Variants in CLRN1 observed in about 807,000 individuals in gnomAD.
The protein encoded by CLRN1 is clarin-1.
CLRN1 carries 15 observed loss-of-function variants against 18.7 expected under a neutral mutation model. The ratio of observed to expected loss-of-function variants is 0.80; its 90% CI spans 0.54 to 1.23. The LOEUF is 1.23. Among genes scored for constraint, CLRN1 ranks in the 50% most tolerant of loss-of-function variants. The pLI is 0.00. For missense variants in CLRN1, 311 were observed against 277.5 expected, an observed-to-expected ratio of 1.12 and a Z score of -0.86; for synonymous variants, 104 against 102.9, an observed-to-expected ratio of 1.01 and a Z score of -0.07.
chr3:150,969,258 A>T (rs1307600187), intron 1 of CLRN1, among the ~76,000 whole-genome samples: 1 of 144,700 alleles, frequency 6.9e-6, no homozygotes, highest in Non-Finnish European at 1.5e-5. Flanking sequence ...GGCTACTAGG[A>T]CATTTAAAAG....
chr3:150,937,401 A>C (rs1713556951), intron 2 of CLRN1, among the ~76,000 whole-genome samples: 1 of 152,160 alleles, frequency 6.6e-6, no homozygotes, highest in Non-Finnish European at 1.5e-5. Flanking sequence ...AACCCTTAGC[A>C]CTGGCTACAA....
intron 2 of CLRN1, chr3:150,940,361 C>A: frequency 1.2e-6 from 1 of 821,858 alleles, no homozygotes; most frequent in Non-Finnish European, 1.8e-6. Context: ...AGAGGCTACA[C>A]TGCAAGTGAC....
Position 150,927,096 on chromosome 3 carries a change from T to C in CLRN1, c.*840A>G. On this transcript the variant is annotated 3_prime_UTR_variant, in exon 3 of 3. Coordinates refer to ENST00000327047, the MANE Select transcript of CLRN1 (RefSeq NM_174878.3). ...TGTACTAAGCAGAGATCATTTTTCA[T>C]GATTCCTCAGTGGTCCTAACAATTA... The C allele has an allele frequency of 1.3e-6, 1 of 792,208 alleles. No individual in the cohort carries two copies. Among genetic ancestry groups the C allele is most frequent in the Non-Finnish European group, 2.1e-6 (1 of 472,918 alleles). 49.1% of individuals were successfully genotyped at this position (792,208 alleles called of 1,614,324 possible). A position where few individuals can be genotyped will look rare whatever the true frequency, so the allele number is the denominator to read the frequency against.
intron 2 of CLRN1, among the ~76,000 whole-genome samples, 170 bp from the exon 3 acceptor site, chr3:150,928,371 G>T (rs142320236): frequency 1.3e-5 from 2 of 152,218 alleles, no homozygotes; most frequent in Non-Finnish European, 1.5e-5. Context: ...TCAGTCTCTA[G>T]GTGGTAGGGC....
intron 1 of CLRN1, among the ~76,000 whole-genome samples, chr3:150,966,312 T>C (rs1055604515): frequency 6.6e-6 from 1 of 152,208 alleles, no homozygotes; most frequent in Non-Finnish European, 1.5e-5. Flanking sequence ...AGACCCAGTC[T>C]CAAAACAAAA....
intron 1 of CLRN1, among the ~76,000 whole-genome samples, chr3:150,971,877 A>G (rs1357990736): frequency 1.3e-5 from 2 of 152,256 alleles, no homozygotes; most frequent in Non-Finnish European, 2.9e-5. Flanking sequence ...AAAATGTTCT[A>G]TACTAAATAG....
intron 1 of CLRN1, among the ~76,000 whole-genome samples, chr3:150,947,738 A>G (rs1170965605): frequency 6.6e-6 from 1 of 152,354 alleles, no homozygotes; most frequent in East Asian, 1.9e-4. Flanking sequence ...AGAAGTCAAG[A>G]CTAAGAAAAT....
rs746619858 is a variant in CLRN1 at position 150,926,644 on chromosome 3, A to G, written c.*1292T>C. Reference sequence around the variant, plus strand: ...CACCAGAGCAAGTTATTTCTCAGGTATACGGTTGTTTCATCCTTGTAAATA... The same window carrying G: ...CACCAGAGCAAGTTATTTCTCAGGTGTACGGTTGTTTCATCCTTGTAAATA... On this transcript the variant is annotated 3_prime_UTR_variant, in exon 3 of 3. Coordinates refer to ENST00000327047, the MANE Select transcript of CLRN1 (RefSeq NM_174878.3). The G allele has an allele frequency of 2.0e-4, 166 of 811,750 alleles. No individual in the cohort carries two copies. Among genetic ancestry groups the G allele is most frequent in the Middle Eastern group, 3.4e-4 (1 of 2,976 alleles). 50.3% of individuals were successfully genotyped at this position (811,750 alleles called of 1,614,324 possible).
chr3:150,967,815 G>A (rs893028772), intron 1 of CLRN1, among the ~76,000 whole-genome samples: 1 of 152,108 alleles, frequency 6.6e-6, no homozygotes, highest in African/African-American at 2.4e-5. Flanking sequence ...TCAGTGACAG[G>A]CACTGAGACC....
rs16863066 is a variant in CLRN1, at chr3:150,926,972, G to A, written c.*964C>T. 11,077 of 1,588,004 alleles carry A rather than the reference G, an allele frequency of 7.0e-3. 667 individuals are homozygous for A. The African/African-American group carries it at 0.13, about 18-fold the overall frequency. On this transcript the variant is annotated 3_prime_UTR_variant, in exon 3 of 3. Transcript: ENST00000327047. ...AAGACCAAGATGATACAGTGATACCGTCATAATCCCAGATTTAATATAATT... is the reference window on the plus strand; with the variant it reads ...AAGACCAAGATGATACAGTGATACCATCATAATCCCAGATTTAATATAATT...
chr3:150,961,069 A>G (rs1366144571), intron 1 of CLRN1, among the ~76,000 whole-genome samples: 1 of 152,260 alleles, frequency 6.6e-6, no homozygotes, highest in East Asian at 1.9e-4. Flanking sequence ...GTGGCTGTGG[A>G]CAAAGCATAA....
intron 1 of CLRN1, among the ~76,000 whole-genome samples, chr3:150,951,419 C>A (rs1576638196): frequency 6.6e-6 from 1 of 152,022 alleles, no homozygotes; most frequent in South Asian, 2.1e-4. Flanking sequence ...CTCTCTGCAA[C>A]CTCTGACTCC....
intron 1 of CLRN1, among the ~76,000 whole-genome samples, chr3:150,960,361 G>A (rs1385376836): frequency 6.6e-6 from 1 of 152,178 alleles, no homozygotes; most frequent in Admixed American, 6.5e-5. Flanking sequence ...CTGAGGGTGG[G>A]TAAGAGGGAT....
intron 1 of CLRN1, chr3:150,945,545 G>A (rs1358886533): frequency 3.9e-6 from 5 of 1,287,050 alleles, no homozygotes; most frequent in Non-Finnish European, 5.1e-6. Flanking sequence ...TAAGCTTAGT[G>A]CTATCCAATA....
At chr3:150,972,736 G>A (rs1715613692), upstream of CLRN1, 1 of 1,614,116 alleles carries the variant, frequency 6.2e-7, no homozygotes, top group Non-Finnish European at 8.5e-7. Context: ...GTGAGGGCGA[G>A]GTTCAAAAAC....
At chr3:150,967,438 T>C (rs1715317410) in intron 1 of CLRN1, among the ~76,000 whole-genome samples, 1 of 152,118 alleles carries the variant, frequency 6.6e-6, no homozygotes, top group Admixed American at 6.5e-5. Flanking sequence ...TGCTGGACTG[T>C]TTTAATAGGT....
chr3:150,934,991 C>T, intron 2 of CLRN1, among the ~76,000 whole-genome samples: 1 of 152,084 alleles, frequency 6.6e-6, no homozygotes, highest in East Asian at 1.9e-4. Flanking sequence ...CTCTGGGACA[C>T]TCATAATCTC....
chr3:150,935,956 T>C (rs1207054850), intron 2 of CLRN1, among the ~76,000 whole-genome samples: 1 of 151,720 alleles, frequency 6.6e-6, no homozygotes, highest in East Asian at 1.9e-4. Context: ...TTGAGAAGTG[T>C]CTGTTCATGT....
chr3:150,972,821 A>G, upstream of CLRN1: 1 of 1,484,088 alleles, frequency 6.7e-7, no homozygotes, highest in Non-Finnish European at 9.3e-7. Context: ...GACAGCTCCC[A>G]GCTGAAAAGG....
Sources: allele counts gnomAD v4.1 joint callset (sites outside exome capture counted in the v4.1 genomes callset), GRCh38; gene constraint gnomAD v4.1.1; transcripts MANE v1.5; gene names NCBI Gene and HGNC (gene_info 2026-07-23, HGNC 2026-07-21).